Variants in NUP85 observed in about 807,000 individuals in gnomAD.
NUP85 encodes the protein nucleoporin 85.
Under a neutral mutation model 92.8 loss-of-function variants are expected in NUP85, and 23 were observed. The ratio of observed to expected loss-of-function variants is 0.25; its 90% confidence interval spans 0.18 to 0.35. The LOEUF (loss-of-function observed/expected upper bound fraction) is 0.35, where lower values mean the gene tolerates loss of function less well. NUP85 is among the 10% of genes least tolerant of loss of function. The probability of loss-of-function intolerance (pLI) is 1.00; values close to 1 mark genes in which losing one functional copy is unlikely to be tolerated. For synonymous variants in NUP85, 314 were observed against 306.9 expected, an observed-to-expected ratio of 1.02 and a Z score of -0.24; for missense variants, 759 against 822.8, an observed-to-expected ratio of 0.92 and a Z score of 0.95.
chr17:75,209,723 A>G, intron 2 of NUP85, 100 bp from the exon 3 acceptor site: 1 of 946,678 alleles, frequency 1.1e-6, no homozygotes. Flanking sequence ...ATTATAGGCA[A>G]GAGCCACCAT....
chr17:75,217,317 C>T (rs928368308), intron 6 of NUP85, among the ~76,000 whole-genome samples: 2 of 152,026 alleles, frequency 1.3e-5, no homozygotes, highest in African/African-American at 2.4e-5. Flanking sequence ...ATCTTGGCCT[C>T]GCAAAATGCT....
intron 6 of NUP85, chr17:75,216,196 T>G (rs539480200): frequency 8.4e-6 from 2 of 236,910 alleles, no homozygotes; most frequent in African/African-American, 4.6e-5. Flanking sequence ...CATGAATCAT[T>G]GGGACAGGGC....
At chr17:75,212,096 G>T (rs1285491744) in intron 4 of NUP85, 34 bp downstream of exon 4, 7 of 1,390,366 alleles carry the variant, frequency 5.0e-6, no homozygotes, top group Non-Finnish European at 6.9e-6. Flanking sequence ...GCGTGTGTGT[G>T]TGTGTGTGTG....
intron 7 of NUP85, among the ~76,000 whole-genome samples, chr17:75,224,638 C>T (rs538117069): frequency 5.8e-4 from 88 of 152,106 alleles, no homozygotes; most frequent in Admixed American, 1.5e-3. Flanking sequence ...TCGAGACCAG[C>T]CTGGCCAATA....
intron 7 of NUP85, among the ~76,000 whole-genome samples, chr17:75,220,385 A>C (rs182840076): frequency 6.7e-6 from 1 of 150,164 alleles, no homozygotes; most frequent in Admixed American, 6.6e-5. Flanking sequence ...GGCCTCCCAA[A>C]GTGCTGGGAT....
At chr17:75,235,248 G>A (rs1349905413) in intron 18 of NUP85, 47 bp downstream of exon 18, 1 of 1,414,454 alleles carries the variant, frequency 7.1e-7, no homozygotes, top group Middle Eastern at 1.8e-4. Context: ...GGTGGGAAAA[G>A]GCTCCCTCTA....
intron 16 of NUP85, among the ~76,000 whole-genome samples, chr17:75,234,369 T>C (rs1446070614): frequency 6.6e-6 from 1 of 152,230 alleles, no homozygotes; most frequent in Non-Finnish European, 1.5e-5. Flanking sequence ...AGTCAATCTC[T>C]TTTAATCCAT....
chr17:75,222,762 G>A (rs1357188027), intron 7 of NUP85, among the ~76,000 whole-genome samples: 2 of 151,964 alleles, frequency 1.3e-5, no homozygotes, highest in African/African-American at 2.4e-5. Context: ...TCAGCCAGGC[G>A]CAGTGGCTCA....
At chr17:75,223,616 GACCTCAGGTGATCC>G (rs1248179526) in intron 7 of NUP85, among the ~76,000 whole-genome samples, 1 of 152,106 alleles carries the variant, frequency 6.6e-6, no homozygotes, top group Non-Finnish European at 1.5e-5. Flanking sequence ...TTGAACTCCT[GACCTCAGGTGATCC>G]ACCCGTCTCG....
chr17:75,210,160 C>T (rs1316686168), intron 3 of NUP85, among the ~76,000 whole-genome samples, 175 bp downstream of exon 3: 4 of 152,056 alleles, frequency 2.6e-5, no homozygotes, highest in African/African-American at 7.2e-5. Flanking sequence ...GAAGACTTAG[C>T]GGGAATATGC....
intron 6 of NUP85, 50 bp from the exon 7 acceptor site, chr17:75,218,135 C>T (rs376110424): frequency 1.3e-5 from 21 of 1,610,870 alleles, no homozygotes; most frequent in Non-Finnish European, 1.8e-5. Context: ...AAGGAACTTG[C>T]TGCAGATGAA....
At chr17:75,228,359 C>G in intron 11 of NUP85, 2 of 985,406 alleles carry the variant, frequency 2.0e-6, no homozygotes, top group Non-Finnish European at 1.2e-6. Flanking sequence ...TCTCCACTCT[C>G]ACAAGCAGGA....
rs1167157231 is a variant in NUP85 at position 75,225,196 on chromosome 17, C to T, written c.691C>T (p.Arg231Ter). The stretch of plus-strand genomic sequence containing the variant: ...CAGCCCCGCCTCTGCAGGCATATGC[C>T]GAATCATGGGGGACCTGATGAGGAC... Reference protein sequence around the residue: ...DASPASAGICRIMGDLMRTMP... With the variant: ...DASPASAGIC The change falls in exon 8 of 19, where the codon CGA becomes TGA. Residue 231 changes from arginine to a stop codon, truncating the protein, a stop_gained. Transcript: ENST00000245544. LOFTEE classifies it high-confidence loss of function. 1.2e-6 allele frequency: 2 copies of T among 1,609,804 alleles called. No individual in the cohort carries two copies. The highest frequency in any genetic ancestry group is 1.7e-6 in the Non-Finnish European group (2 of 1,177,188).
At chr17:75,228,815 C>T (rs563330547) in intron 11 of NUP85, 5 of 985,416 alleles carry the variant, frequency 5.1e-6, no homozygotes, top group South Asian at 4.7e-5. Flanking sequence ...TCGTGCCAGA[C>T]CCTAAGGGGC....
chr17:75,235,253 C>T, intron 18 of NUP85, 52 bp downstream of exon 18: 4 of 1,362,362 alleles, frequency 2.9e-6, no homozygotes, highest in Middle Eastern at 1.8e-4. Context: ...GAAAAGGCTC[C>T]CTCTATCTCA....
chr17:75,234,867 CGT>C (rs757239505), intron 17 of NUP85, 79 bp downstream of exon 17: 30 of 1,540,320 alleles, frequency 1.9e-5, no homozygotes, highest in African/African-American at 2.7e-5. Context: ...TGCCGATGTG[CGT>C]GTTTCCTCCT....
intron 16 of NUP85, among the ~76,000 whole-genome samples, chr17:75,234,153 G>T (rs1383544875): frequency 6.6e-6 from 1 of 150,868 alleles, no homozygotes; most frequent in African/African-American, 2.4e-5. Context: ...CCGGGTTCAA[G>T]CCATTCTTCC....
intron 7 of NUP85, among the ~76,000 whole-genome samples, chr17:75,224,746 C>T (rs1236970573): frequency 6.6e-6 from 1 of 150,900 alleles, no homozygotes; most frequent in Admixed American, 6.6e-5. Context: ...ACAGGAGAAT[C>T]GCTTGAACCC....
chr17:75,233,399 CTTTCTCTT>C (rs1255849810), intron 16 of NUP85, among the ~76,000 whole-genome samples: 1 of 129,804 alleles, frequency 7.7e-6, no homozygotes, highest in Non-Finnish European at 1.6e-5. Context: ...TTCTCTTTCT[CTTTCTCTT>C]TCTTTCTTTC....
Sources: allele counts gnomAD v4.1 joint callset (sites outside exome capture counted in the v4.1 genomes callset), GRCh38; gene constraint gnomAD v4.1.1; transcripts MANE v1.5; gene names NCBI Gene and HGNC (gene_info 2026-07-23, HGNC 2026-07-21).